Variants in LDB2 observed in about 807,000 individuals in gnomAD.
LDB2 encodes LIM domain-binding protein 2.
Under a neutral mutation model 44.3 loss-of-function variants are expected in LDB2, and 12 were observed. The observed-to-expected ratio is 0.27, with a 90% CI of 0.17 to 0.44. The LOEUF (loss-of-function observed/expected upper bound fraction) is 0.44. Ranked by LOEUF, LDB2 falls within the 20% of genes least tolerant of loss-of-function variation. The probability of loss-of-function intolerance (pLI) is 1.00; values close to 1 mark genes in which losing one functional copy is unlikely to be tolerated. For missense variants in LDB2, 344 were observed against 473.5 expected (o/e 0.73, Z 2.54); for synonymous variants, 164 against 174.8 (o/e 0.94, Z 0.49).
intron 2 of LDB2, among the ~76,000 whole-genome samples, chr4:16,668,140 C>A (rs775204231): frequency 6.6e-5 from 9 of 135,516 alleles, no homozygotes; most frequent in African/African-American, 2.1e-4. Flanking sequence ...AATTTTTAAT[C>A]AGATATACGA....
rs1165902185 is a variant in LDB2 at position 16,533,171 on chromosome 4, C to T, written c.616-21067G>A. On this transcript the variant is annotated intron_variant, in intron 5 of 7. Coordinates refer to ENST00000304523, the MANE Select transcript of LDB2 (RefSeq NM_001290.5). The surrounding 1 kb of genome is among the most constrained non-coding windows in gnomAD (Gnocchi z 4.1). ...TAGATGGAAGAGTCACTGGCCTGAG[C>T]CTGAAGGAAACTAGGAAGGGACTTG... 2.0e-5 allele frequency among the ~76,000 whole-genome samples: 3 copies of T among 152,068 alleles called. No homozygotes were observed. Among genetic ancestry groups the T allele is most frequent in the Non-Finnish European group, 4.4e-5 (3 of 68,014 alleles).
chr4:16,601,447 T>A (rs1722558890), intron 2 of LDB2, among the ~76,000 whole-genome samples: 1 of 152,160 alleles, frequency 6.6e-6, no homozygotes, highest in Non-Finnish European at 1.5e-5. Context: ...CTGATTTTCA[T>A]AAAATGTGGA....
chr4:16,709,416 T>C (rs192669615), intron 2 of LDB2, among the ~76,000 whole-genome samples: 16 of 152,278 alleles, frequency 1.1e-4, no homozygotes, highest in African/African-American at 3.8e-4. Flanking sequence ...AGACCTGACT[T>C]AGAATATCAT....
chr4:16,820,333 G>T (rs550002167), intron 1 of LDB2, among the ~76,000 whole-genome samples: 1 of 152,242 alleles, frequency 6.6e-6, no homozygotes, highest in Non-Finnish European at 1.5e-5. Flanking sequence ...GTTGGGCACT[G>T]CTCACTGCTC....
At chr4:16,804,138 G>C (rs1171359902) in intron 1 of LDB2, among the ~76,000 whole-genome samples, 1 of 152,062 alleles carries the variant, frequency 6.6e-6, no homozygotes, top group Non-Finnish European at 1.5e-5. Context: ...TTTTCTTTAA[G>C]AGAGAGTCTC....
Position 16,612,464 on chromosome 4 carries a change from A to G in LDB2, c.236-16589T>C, listed in dbSNP as rs150863280. 3.3e-5 allele frequency among the ~76,000 whole-genome samples: 5 copies of G among 152,226 alleles called. No homozygotes were observed. In the East Asian group the frequency reaches 5.8e-4, roughly 18 times the overall value. On this transcript the variant is annotated intron_variant, in intron 2 of 7. Transcript: ENST00000304523. ...GAAAAATTAACAAAACAGATTGACCACTAACTAGACTAAGAAGAAGAGAAA... is the reference window on the plus strand; with the variant it reads ...GAAAAATTAACAAAACAGATTGACCGCTAACTAGACTAAGAAGAAGAGAAA...
chr4:16,831,869 C>A (rs536380199), intron 1 of LDB2, among the ~76,000 whole-genome samples: 1 of 152,216 alleles, frequency 6.6e-6, no homozygotes, highest in East Asian at 1.9e-4. Context: ...AGGCACATCC[C>A]TTTCTCTTTC....
At chr4:16,523,124 T>TA (rs1286876537) in intron 5 of LDB2, among the ~76,000 whole-genome samples, 1 of 152,198 alleles carries the variant, frequency 6.6e-6, no homozygotes, top group African/African-American at 2.4e-5. Context: ...TATATGTACG[T>TA]ATGCATGTAT....
intron 1 of LDB2, among the ~76,000 whole-genome samples, chr4:16,845,086 T>C (rs1482336159): frequency 6.6e-6 from 1 of 152,146 alleles, no homozygotes; most frequent in East Asian, 1.9e-4. Flanking sequence ...CAGTCCCAGA[T>C]TAGAGATGTG....
chr4:16,585,222 G>A (rs1352356892), intron 5 of LDB2, among the ~76,000 whole-genome samples: 1 of 152,194 alleles, frequency 6.6e-6, no homozygotes, highest in Non-Finnish European at 1.5e-5. Context: ...CTGGCTGGGA[G>A]CACCCGCCGT....
At chr4:16,589,591 A>C (rs1057384437) in intron 3 of LDB2, among the ~76,000 whole-genome samples, 1 of 152,158 alleles carries the variant, frequency 6.6e-6, no homozygotes, top group Non-Finnish European at 1.5e-5. Context: ...TGATATTCAT[A>C]GCATTTTTAG....
intron 1 of LDB2, among the ~76,000 whole-genome samples, chr4:16,794,377 C>T (rs528195879): frequency 6.6e-6 from 1 of 152,328 alleles, no homozygotes; most frequent in African/African-American, 2.4e-5. Context: ...ACTGCAGCTC[C>T]TCCTCAGCTA....
intron 1 of LDB2, among the ~76,000 whole-genome samples, chr4:16,870,139 G>T (rs895582160): frequency 1.3e-5 from 2 of 152,142 alleles, no homozygotes; most frequent in African/African-American, 2.4e-5. Context: ...GGTGAAGGAA[G>T]GAGATGCAGA....
chr4:16,837,244 T>C (rs1785032727), intron 1 of LDB2, among the ~76,000 whole-genome samples: 1 of 152,186 alleles, frequency 6.6e-6, no homozygotes, highest in South Asian at 2.1e-4. Context: ...CTTAACTAAC[T>C]TCAGAATATC....
intron 3 of LDB2, 36 bp downstream of exon 3, chr4:16,595,667 G>C: frequency 6.3e-7 from 1 of 1,595,364 alleles, no homozygotes; most frequent in Non-Finnish European, 8.5e-7. Context: ...TCTCAGAGTA[G>C]GAAAAGCCGG....
chr4:16,793,942 C>A (rs1776244927), intron 1 of LDB2, among the ~76,000 whole-genome samples: 1 of 152,070 alleles, frequency 6.6e-6, no homozygotes, highest in African/African-American at 2.4e-5. Flanking sequence ...TTATCTGGGA[C>A]CTGCAGCTCC....
chr4:16,674,330 A>G (rs1401938058), intron 2 of LDB2: 2 of 1,197,656 alleles, frequency 1.7e-6, no homozygotes, highest in Admixed American at 4.6e-5. Context: ...CTGCAGAAAG[A>G]CAGTGCTCTT....
chr4:16,805,369 A>T (rs560655588), intron 1 of LDB2, among the ~76,000 whole-genome samples: 49 of 152,232 alleles, frequency 3.2e-4, no homozygotes, highest in Admixed American at 5.9e-4. Context: ...GGCCAAAGTC[A>T]TTGGTTTATG....
chr4:16,851,612 A>G (rs1190299059), intron 1 of LDB2, among the ~76,000 whole-genome samples: 1 of 151,920 alleles, frequency 6.6e-6, no homozygotes, highest in Non-Finnish European at 1.5e-5. Context: ...AAAAAATAAT[A>G]AGAAAAAAAA....
Sources: allele counts gnomAD v4.1 joint callset (sites outside exome capture counted in the v4.1 genomes callset), GRCh38; gene constraint gnomAD v4.1.1; non-coding constraint Gnocchi (gnomAD v3.1); transcripts MANE v1.5; gene names NCBI Gene and HGNC (gene_info 2026-07-23, HGNC 2026-07-21).